The following SPAG16 variants were observed in gnomAD, a reference collection of about 807,000 sequenced individuals.
SPAG16 encodes sperm associated antigen 16.
Under a neutral mutation model 80.4 loss-of-function variants are expected in SPAG16, and 86 were observed. The observed-to-expected ratio is 1.07, with a 90% CI of 0.90 to 1.28. SPAG16 has a LOEUF of 1.28. SPAG16 is among the 50% of genes most tolerant of loss of function. The probability of loss-of-function intolerance (pLI) is 0.00; values close to 1 mark genes in which losing one functional copy is unlikely to be tolerated. For missense variants in SPAG16, 870 were observed against 765.3 expected, an observed-to-expected ratio of 1.14 and a Z score of -1.61; for synonymous variants, 294 against 265.9, an observed-to-expected ratio of 1.11 and a Z score of -1.03.
Position 214,149,195 on chromosome 2 carries a change from G to A in SPAG16, c.1649G>A (p.Arg550Gln), listed in dbSNP as rs373988564. The A allele has an allele frequency of 6.8e-5, 109 of 1,596,006 alleles. No homozygotes were observed. Among genetic ancestry groups the A allele is most frequent in the East Asian group, 9.3e-5 (4 of 43,206 alleles). The change falls in exon 15 of 16, where the codon CGG (arginine) becomes CAG (glutamine). Residue 550 changes from arginine (R) to glutamine (Q), a missense_variant. By Grantham distance (43) the Arg-to-Gln change is conservative. Transcript: ENST00000331683. Reference sequence around the variant, plus strand: ...GGGGTTACAAAGCTGTGGGACTTTCGGAAGCTGTTACCAATTGTGTCCATC... The same window carrying A: ...GGGGTTACAAAGCTGTGGGACTTTCAGAAGCTGTTACCAATTGTGTCCATC... ...ACGVTKLWDFRKLLPIVSIDI... is the reference protein window; with the variant it reads ...ACGVTKLWDFQKLLPIVSIDI...
At chr2:213,342,375 A>ATT (rs1258098736) in intron 6 of SPAG16, among the ~76,000 whole-genome samples, 2 of 143,982 alleles carry the variant, frequency 1.4e-5, no homozygotes, top group Non-Finnish European at 3.1e-5. Context: ...ATATATATGT[A>ATT]TTATATATAT....
In SPAG16 at chr2:213,930,011, T is replaced by G; in HGVS notation, c.1266T>G (p.Asp422Glu). ...SSGDTTVKLWDLCKGDCILTF... is the reference protein window; with the variant it reads ...SSGDTTVKLWELCKGDCILTF... Reference sequence around the variant, plus strand: ...GTGACACTACAGTTAAATTATGGGATCTATGTAAAGGCGATTGCATTTTGA... The same window carrying G: ...GTGACACTACAGTTAAATTATGGGAGCTATGTAAAGGCGATTGCATTTTGA... Residue 422 changes from aspartate to glutamate, a missense_variant, in exon 12 of 16, where the codon GAT (aspartate) becomes GAG (glutamate). By Grantham distance (45) the Asp-to-Glu change is conservative. Transcript: ENST00000331683. The G allele has an allele frequency of 6.2e-7, 1 of 1,613,906 alleles. No homozygotes were observed. Among genetic ancestry groups the G allele is most frequent in the Non-Finnish European group, 8.5e-7 (1 of 1,179,882 alleles).
intron 10 of SPAG16, among the ~76,000 whole-genome samples, chr2:213,819,981 T>G (rs1344313008): frequency 6.6e-6 from 1 of 150,938 alleles, no homozygotes; most frequent in Non-Finnish European, 1.5e-5. Context: ...TTTTGCCATG[T>G]TGGCCAGGAT....
At chr2:214,087,862 C>T (rs544928258) in intron 13 of SPAG16, among the ~76,000 whole-genome samples, 1 of 151,810 alleles carries the variant, frequency 6.6e-6, no homozygotes, top group East Asian at 1.9e-4. Context: ...CATATGGAGG[C>T]AATGAACAGG....
intron 10 of SPAG16, among the ~76,000 whole-genome samples, chr2:213,589,560 T>C (rs1000613131): frequency 6.6e-6 from 1 of 152,282 alleles, no homozygotes. Context: ...ACATTTCCTG[T>C]GCCAGGGTAG....
intron 9 of SPAG16, among the ~76,000 whole-genome samples, chr2:213,464,411 G>A (rs922839059): frequency 6.6e-6 from 1 of 152,160 alleles, no homozygotes; most frequent in Non-Finnish European, 1.5e-5. Flanking sequence ...TAGTGCCTTT[G>A]AGTCCCCCTG....
chr2:214,097,780 A>G (rs1288387701), intron 13 of SPAG16, among the ~76,000 whole-genome samples: 2 of 152,042 alleles, frequency 1.3e-5, no homozygotes, highest in East Asian at 3.9e-4. Flanking sequence ...ACTAAATGTC[A>G]TCTCTGCTAT....
chr2:213,578,029 A>G (rs1482998252), intron 10 of SPAG16, among the ~76,000 whole-genome samples: 2 of 152,114 alleles, frequency 1.3e-5, no homozygotes, highest in Non-Finnish European at 2.9e-5. Flanking sequence ...ATAACTCTGT[A>G]TAATCAAATG....
intron 10 of SPAG16, among the ~76,000 whole-genome samples, chr2:213,771,127 T>A (rs572822048): frequency 9.2e-5 from 14 of 152,256 alleles, no homozygotes; most frequent in African/African-American, 2.9e-4. Flanking sequence ...GGATCTGATG[T>A]TTTTGACTTT....
At chr2:213,417,205 G>GACAC (rs140652255) in intron 9 of SPAG16, among the ~76,000 whole-genome samples, 6 of 151,442 alleles carry the variant, frequency 4.0e-5, no homozygotes, top group East Asian at 1.9e-4. Flanking sequence ...GAAAAGTACA[G>GACAC]ACACACACAC....
At chr2:214,270,511 A>G (rs1001082329) in intron 15 of SPAG16, among the ~76,000 whole-genome samples, 8 of 151,708 alleles carry the variant, frequency 5.3e-5, no homozygotes, top group Non-Finnish European at 1.2e-4. Flanking sequence ...ATCAAACTAA[A>G]CTCCCCAAAA....
In SPAG16 at chr2:213,683,760, T is replaced by G. The variant is rs1278132440; in HGVS notation, c.1071-178725T>G. Among the ~76,000 whole-genome samples the G allele has an allele frequency of 2.6e-5, 4 of 152,196 alleles. No homozygotes were observed. The East Asian group carries it at 7.7e-4, about 29-fold the overall frequency. On this transcript the variant is annotated intron_variant, in intron 10 of 15. Transcript: ENST00000331683. Reference sequence around the variant, plus strand: ...CCTTAATACTGATTCTGTATGCATATATACATAATTTGGTAGATATTTAGC... The same window carrying G: ...CCTTAATACTGATTCTGTATGCATAGATACATAATTTGGTAGATATTTAGC...
In SPAG16 at chr2:213,672,229, C is replaced by A. The variant is rs143532529; in HGVS notation, c.1070+182139C>A. Among the ~76,000 whole-genome samples the A allele has an allele frequency of 4.6e-3, 698 of 151,614 alleles. 4 individuals are homozygous for A. Among genetic ancestry groups the A allele is most frequent in the African/African-American group, 0.016 (661 of 41,330 alleles). ...TTCCTTTCCAGGGGCCTAGTACTAT[C>A]ATGACATGTCTTGTTCTAGAATTCT... is the stretch of plus-strand genomic sequence containing the variant. On this transcript the variant is annotated intron_variant, in intron 10 of 15. Coordinates refer to ENST00000331683, the MANE Select transcript of SPAG16 (RefSeq NM_024532.5).
intron 15 of SPAG16, among the ~76,000 whole-genome samples, chr2:214,313,722 G>GGAC (rs1695486966): frequency 6.6e-6 from 1 of 151,706 alleles, no homozygotes; most frequent in African/African-American, 2.4e-5. Flanking sequence ...AAGTTCTTTG[G>GGAC]TTTTATTTCC....
At chr2:213,368,833 A>C (rs573734890) in intron 8 of SPAG16, among the ~76,000 whole-genome samples, 3 of 152,334 alleles carry the variant, frequency 2.0e-5, no homozygotes, top group African/African-American at 7.2e-5. Flanking sequence ...AGAGAATAAA[A>C]TACCTAAGAA....
intron 10 of SPAG16, among the ~76,000 whole-genome samples, chr2:213,791,228 G>A (rs931334913): frequency 1.3e-5 from 2 of 151,852 alleles, no homozygotes; most frequent in Non-Finnish European, 2.9e-5. Flanking sequence ...TGGAATGTGT[G>A]TGTGGGTTTG....
At chr2:214,115,015 A>G (rs1217529370) in intron 14 of SPAG16, among the ~76,000 whole-genome samples, 1 of 152,222 alleles carries the variant, frequency 6.6e-6, no homozygotes, top group African/African-American at 2.4e-5. Flanking sequence ...GCTCCAAATC[A>G]GTATCCCACA....
At chr2:213,969,972 A>G (rs1261088109) in intron 12 of SPAG16, among the ~76,000 whole-genome samples, 1 of 152,170 alleles carries the variant, frequency 6.6e-6, no homozygotes, top group Non-Finnish European at 1.5e-5. Flanking sequence ...ACATTTTTGG[A>G]GCCTGGAAAG....
chr2:213,611,778 G>T (rs1047205824), intron 10 of SPAG16, among the ~76,000 whole-genome samples: 7 of 151,924 alleles, frequency 4.6e-5, no homozygotes, highest in African/African-American at 1.7e-4. Context: ...GAAACACTAG[G>T]TTTCATTTTG....
Sources: gnomAD v4.1 joint callset for allele counts (sites outside exome capture counted in the v4.1 genomes callset) on GRCh38, gnomAD v4.1.1 for gene constraint, MANE v1.5 for transcripts, NCBI Gene and HGNC (gene_info 2026-07-23, HGNC 2026-07-21) for gene names.